PARM1: variants seen among roughly 807,000 people sequenced by gnomAD.
PARM1 encodes the protein prostate androgen-regulated mucin-like protein 1, also known as WSC4, cell wall integrity and stress response component 4 homolog.
Under a neutral mutation model 24.6 loss-of-function variants are expected in PARM1, and 14 were observed. The ratio of observed to expected loss-of-function variants is 0.57; its 90% confidence interval spans 0.38 to 0.89. The LOEUF (loss-of-function observed/expected upper bound fraction) is 0.89, where lower values mean the gene tolerates loss of function less well. Ranked by LOEUF, PARM1 falls within the 40% of genes least tolerant of loss-of-function variation. PARM1 has a pLI of 0.00. For synonymous variants in PARM1, 179 were observed against 156.6 expected (o/e 1.14, Z -1.07); for missense variants, 362 against 380.4 (o/e 0.95, Z 0.40).
intron 1 of PARM1, chr4:74,970,140 A>G (rs939955491): frequency 2.0e-5 from 3 of 152,250 alleles, no homozygotes; most frequent in African/African-American, 7.2e-5. Context: ...TTATCTTCAT[A>G]TGAAGAATTA....
At chr4:75,039,928 C>T (rs1332558652) in intron 3 of PARM1, among the ~76,000 whole-genome samples, 1 of 152,184 alleles carries the variant, frequency 6.6e-6, no homozygotes, top group African/African-American at 2.4e-5. Flanking sequence ...GAGAGATCTC[C>T]TTTGGGAAGC....
intron 2 of PARM1, among the ~76,000 whole-genome samples, chr4:75,016,390 C>CT (rs796452761): frequency 5.3e-5 from 8 of 151,304 alleles, no homozygotes; most frequent in African/African-American, 2.0e-4. Flanking sequence ...ATTCTTAGAT[C>CT]TTTTTTTTGT....
intron 1 of PARM1, among the ~76,000 whole-genome samples, chr4:75,005,480 A>G (rs1349508751): frequency 6.6e-6 from 1 of 152,174 alleles, no homozygotes; most frequent in Non-Finnish European, 1.5e-5. Flanking sequence ...CTCACTGCCC[A>G]TATTCCTGAC....
chr4:75,019,829 C>T (rs1723054520), intron 2 of PARM1, among the ~76,000 whole-genome samples: 2 of 149,644 alleles, frequency 1.3e-5, no homozygotes, highest in South Asian at 4.2e-4. Context: ...AGGTGAAACC[C>T]CGTCTCTACT....
intron 1 of PARM1, among the ~76,000 whole-genome samples, chr4:74,988,648 C>T (rs1047433534): frequency 6.6e-6 from 1 of 152,170 alleles, no homozygotes; most frequent in South Asian, 2.1e-4. Context: ...GTCATTCACT[C>T]ATTAAATAAA....
At chr4:74,964,758 C>T (rs968565203) in intron 1 of PARM1, among the ~76,000 whole-genome samples, 9 of 152,236 alleles carry the variant, frequency 5.9e-5, no homozygotes, top group East Asian at 1.9e-4. Context: ...TAGTAAATAT[C>T]TGTTGAATTA....
intron 3 of PARM1, among the ~76,000 whole-genome samples, chr4:75,044,707 C>T (rs1182979976): frequency 1.3e-5 from 2 of 152,156 alleles, no homozygotes; most frequent in Non-Finnish European, 2.9e-5. Flanking sequence ...TCCATTTTCA[C>T]ACTTCTGATA....
intron 1 of PARM1, among the ~76,000 whole-genome samples, chr4:74,939,416 A>T (rs570184659): frequency 6.6e-6 from 1 of 152,260 alleles, no homozygotes; most frequent in South Asian, 2.1e-4. Flanking sequence ...TCCCTAAATG[A>T]CTTTAACCCC....
intron 2 of PARM1, among the ~76,000 whole-genome samples, chr4:75,033,417 A>G (rs1386824583): frequency 6.6e-6 from 1 of 152,216 alleles, no homozygotes; most frequent in African/African-American, 2.4e-5. Context: ...AAAAAACATT[A>G]CTTTGCACTG....
chr4:74,959,553 T>C (rs1018639137), intron 1 of PARM1, among the ~76,000 whole-genome samples: 1 of 152,212 alleles, frequency 6.6e-6, no homozygotes, highest in African/African-American at 2.4e-5. Context: ...TCCCAAGTAA[T>C]CCATAACTCA....
rs200530699 is a variant in PARM1 at position 75,012,804 on chromosome 4, C to T, written c.423C>T (p.Ser141=). ...EAGVAATLSQ[S]AAEPPTLISP... ...GCGTGGCAGCTACACTGTCGCAGTC[C>T]GCTGCTGAGCCTCCCACACTCATCT... The change falls in exon 2 of 4, where the codon TCC becomes TCT. Residue 141 remains serine (S), a synonymous_variant. Coordinates refer to ENST00000307428, the MANE Select transcript of PARM1 (RefSeq NM_015393.4). The T allele has an allele frequency of 1.8e-4, 292 of 1,613,876 alleles. No individual in the cohort carries two copies. Among genetic ancestry groups the T allele is most frequent in the Non-Finnish European group, 2.3e-4 (270 of 1,179,894 alleles).
chr4:74,961,466 CTG>C (rs1468797124), intron 1 of PARM1, among the ~76,000 whole-genome samples: 5 of 152,054 alleles, frequency 3.3e-5, no homozygotes, highest in Admixed American at 3.3e-4. Flanking sequence ...GCTCAACAAA[CTG>C]TAACTAAAAT....
At chr4:74,978,357 A>C (rs1308668248) in intron 1 of PARM1, among the ~76,000 whole-genome samples, 1 of 152,228 alleles carries the variant, frequency 6.6e-6, no homozygotes, top group Non-Finnish European at 1.5e-5. Flanking sequence ...ACAAAGATAA[A>C]AAAATACAAA....
chr4:75,040,184 G>A (rs147411025), intron 3 of PARM1, among the ~76,000 whole-genome samples: 8 of 152,342 alleles, frequency 5.3e-5, no homozygotes, highest in African/African-American at 1.9e-4. Flanking sequence ...AAGAACCAGG[G>A]TTTGGGGAAG....
At chr4:75,043,746 T>C (rs1723544256) in intron 3 of PARM1, among the ~76,000 whole-genome samples, 1 of 152,218 alleles carries the variant, frequency 6.6e-6, no homozygotes, top group South Asian at 2.1e-4. Context: ...TGATTGGAAC[T>C]GGAGGTTTCA....
chr4:74,995,233 G>T (rs367644285), intron 1 of PARM1, among the ~76,000 whole-genome samples: 6 of 152,120 alleles, frequency 3.9e-5, no homozygotes, highest in African/African-American at 1.4e-4. Flanking sequence ...ATGTCTTTAA[G>T]ATCCATCTAG....
At chr4:74,986,818 C>A (rs1722366309) in intron 1 of PARM1, among the ~76,000 whole-genome samples, 1 of 152,080 alleles carries the variant, frequency 6.6e-6, no homozygotes, top group African/African-American at 2.4e-5. Flanking sequence ...GATCAGGAAA[C>A]CTCTTGCTAA....
At chr4:74,977,997 A>G (rs1356862805) in intron 1 of PARM1, among the ~76,000 whole-genome samples, 2 of 152,244 alleles carry the variant, frequency 1.3e-5, no homozygotes, top group Non-Finnish European at 2.9e-5. Flanking sequence ...AACCATTACC[A>G]GCTACTATAA....
At chr4:74,945,987 C>T (rs2109982562) in intron 1 of PARM1, among the ~76,000 whole-genome samples, 1 of 152,276 alleles carries the variant, frequency 6.6e-6, no homozygotes, top group South Asian at 2.1e-4. Flanking sequence ...AGGCCAACCT[C>T]TCACATTATA....
Sources: allele counts gnomAD v4.1 joint callset (sites outside exome capture counted in the v4.1 genomes callset), GRCh38; gene constraint gnomAD v4.1.1; transcripts MANE v1.5; gene names NCBI Gene and HGNC (gene_info 2026-07-23, HGNC 2026-07-21).